The following KCNIP4 variants were observed in gnomAD, a reference collection of about 807,000 sequenced individuals.
KCNIP4 encodes the protein potassium voltage-gated channel interacting protein 4.
A neutral mutation model predicts 34.0 loss-of-function variants in KCNIP4; 12 were observed. That is an observed-to-expected ratio of 0.35 (90% CI 0.23 to 0.57). KCNIP4 has a LOEUF of 0.57. KCNIP4 is among the 20% of genes least tolerant of loss of function. The pLI, the probability that KCNIP4 is intolerant of heterozygous loss-of-function variation, is 0.83. For synonymous variants in KCNIP4, 124 were observed against 102.2 expected, an observed-to-expected ratio of 1.21 and a Z score of -1.29; for missense variants, 238 against 311.7, an observed-to-expected ratio of 0.76 and a Z score of 1.78.
intron 1 of KCNIP4, among the ~76,000 whole-genome samples, chr4:20,984,774 G>A (rs559975404): frequency 5.9e-5 from 9 of 152,256 alleles, no homozygotes; most frequent in African/African-American, 1.9e-4. Context: ...ACTGCCCCCT[G>A]GAAGGTGTGT....
intron 1 of KCNIP4, among the ~76,000 whole-genome samples, chr4:21,823,006 C>T (rs575208586): frequency 2.6e-5 from 4 of 151,888 alleles, no homozygotes; most frequent in Admixed American, 1.3e-4. Context: ...CGTGAGCTGA[C>T]CAAATAATTT....
chr4:21,745,005 G>A (rs939563505), intron 1 of KCNIP4, among the ~76,000 whole-genome samples: 2 of 152,130 alleles, frequency 1.3e-5, no homozygotes, highest in African/African-American at 2.4e-5. Flanking sequence ...GTTTTAAAAA[G>A]AACACTACCA....
intron 1 of KCNIP4, among the ~76,000 whole-genome samples, chr4:21,276,079 A>G (rs910417844): frequency 6.6e-6 from 1 of 152,256 alleles, no homozygotes; most frequent in Non-Finnish European, 1.5e-5. Context: ...CAAACTTGAT[A>G]TAGAACTTCC....
At chr4:21,315,871 A>T (rs1339405348) in intron 1 of KCNIP4, among the ~76,000 whole-genome samples, 2 of 152,106 alleles carry the variant, frequency 1.3e-5, no homozygotes, top group Admixed American at 1.3e-4. Flanking sequence ...GGTATATTTC[A>T]TTTTGCAGAA....
chr4:20,928,077 A>G (rs1213154647), intron 1 of KCNIP4, among the ~76,000 whole-genome samples: 1 of 152,130 alleles, frequency 6.6e-6, no homozygotes, highest in Non-Finnish European at 1.5e-5. Context: ...AAGAACAATT[A>G]GAGGCATAAA....
intron 1 of KCNIP4, among the ~76,000 whole-genome samples, chr4:21,199,458 C>T (rs112962809): frequency 0.028 from 4,316 of 152,192 alleles, 201 homozygotes; most frequent in African/African-American, 0.099. Context: ...TTTGTAGATT[C>T]TGGATATTAG....
At chr4:21,323,530 C>T (rs1252595954) in intron 1 of KCNIP4, among the ~76,000 whole-genome samples, 4 of 151,974 alleles carry the variant, frequency 2.6e-5, no homozygotes, top group Non-Finnish European at 4.4e-5. Context: ...TCTTTCTGTG[C>T]CTGGCTTATT....
intron 5 of KCNIP4, among the ~76,000 whole-genome samples, chr4:20,748,246 T>C (rs1752792876): frequency 1.3e-5 from 2 of 152,124 alleles, no homozygotes. Context: ...TTGTGTATTC[T>C]ATCTTCTTGA....
At chr4:21,234,468 A>C (rs1219689814) in intron 1 of KCNIP4, among the ~76,000 whole-genome samples, 2 of 107,650 alleles carry the variant, frequency 1.9e-5, no homozygotes, top group African/African-American at 7.6e-5. Context: ...TAACGTATAT[A>C]ATATATAGTA....
intron 1 of KCNIP4, among the ~76,000 whole-genome samples, chr4:21,587,640 C>A (rs1227552644): frequency 2.6e-5 from 4 of 152,042 alleles, no homozygotes; most frequent in African/African-American, 9.7e-5. Flanking sequence ...TAACTCACTG[C>A]AGCTGACCTG....
rs181505883 is a variant in KCNIP4, at chr4:21,357,546, C to T, written c.62-474837G>A. Reference sequence around the variant, plus strand: ...CACTTCTCAAAAGAAGACATTTATACAGCCAACAGACACATGAAAAAATGC... The same window carrying T: ...CACTTCTCAAAAGAAGACATTTATATAGCCAACAGACACATGAAAAAATGC... On this transcript the variant is annotated intron_variant, in intron 1 of 8. Coordinates refer to ENST00000382152, the MANE Select transcript of KCNIP4 (RefSeq NM_025221.6). Among the ~76,000 whole-genome samples, 543 of 152,286 alleles carry T rather than the reference C, an allele frequency of 3.6e-3. 1 individual carries two copies. Among genetic ancestry groups the T allele is most frequent in the African/African-American group, 0.012 (506 of 41,560 alleles).
intron 1 of KCNIP4, among the ~76,000 whole-genome samples, chr4:20,940,656 T>C (rs1731546029): frequency 6.6e-6 from 1 of 152,238 alleles, no homozygotes; most frequent in Non-Finnish European, 1.5e-5. Context: ...TAAAATTTCT[T>C]AGAAAATAAC....
At chr4:20,842,445 C>G (rs1193578594) in intron 3 of KCNIP4, among the ~76,000 whole-genome samples, 1 of 151,948 alleles carries the variant, frequency 6.6e-6, no homozygotes, top group African/African-American at 2.4e-5. Flanking sequence ...GATGGTTGGT[C>G]AAGGCCTGGC....
chr4:21,082,118 C>T (rs545599418), intron 1 of KCNIP4, among the ~76,000 whole-genome samples: 2 of 151,666 alleles, frequency 1.3e-5, no homozygotes, highest in East Asian at 3.9e-4. Flanking sequence ...TTCCTTTAGC[C>T]TTTAGTATGA....
At chr4:21,016,542 G>A (rs191174317) in intron 1 of KCNIP4, among the ~76,000 whole-genome samples, 16 of 152,104 alleles carry the variant, frequency 1.1e-4, no homozygotes, top group Admixed American at 5.2e-4. Flanking sequence ...TGATCTGCCC[G>A]CCTCGGCCTC....
intron 1 of KCNIP4, among the ~76,000 whole-genome samples, chr4:21,273,152 A>T (rs1762250584): frequency 6.6e-6 from 1 of 152,168 alleles, no homozygotes; most frequent in South Asian, 2.1e-4. Context: ...TTGAATAAAC[A>T]TATCCTTATC....
At chr4:21,342,086 A>C (rs867078945) in intron 1 of KCNIP4, among the ~76,000 whole-genome samples, 2 of 152,148 alleles carry the variant, frequency 1.3e-5, no homozygotes, top group South Asian at 4.1e-4. Context: ...CCTAAGTGGA[A>C]TCTTGGAAGC....
intron 1 of KCNIP4, among the ~76,000 whole-genome samples, chr4:21,183,206 G>A (rs898711561): frequency 9.9e-5 from 15 of 152,094 alleles, no homozygotes. Flanking sequence ...TAAAAGGCCA[G>A]ATAGTATTCT....
chr4:21,336,706 T>C (rs565415210), intron 1 of KCNIP4, among the ~76,000 whole-genome samples: 4 of 152,222 alleles, frequency 2.6e-5, no homozygotes, highest in Admixed American at 2.6e-4. Context: ...CTGCCGTCTG[T>C]GAAAACCTGA....
Sources: allele counts gnomAD v4.1 joint callset (sites outside exome capture counted in the v4.1 genomes callset), GRCh38; gene constraint gnomAD v4.1.1; transcripts MANE v1.5; gene names NCBI Gene and HGNC (gene_info 2026-07-23, HGNC 2026-07-21).